FGGY: variants seen among roughly 807,000 people sequenced by gnomAD.
FGGY encodes the protein FGGY carbohydrate kinase domain-containing protein.
FGGY carries 72 observed loss-of-function variants against 71.3 expected under a neutral mutation model. The ratio of observed to expected loss-of-function variants is 1.01; its 90% CI spans 0.84 to 1.23. The LOEUF (loss-of-function observed/expected upper bound fraction) is 1.23, where lower values mean the gene tolerates loss of function less well. FGGY is among the 50% of genes most tolerant of loss of function. FGGY has a pLI of 0.00. For synonymous variants in FGGY, 251 were observed against 250.3 expected (o/e 1.00, Z -0.02); for missense variants, 668 against 682.3 (o/e 0.98, Z 0.23).
chr1:59,552,790 C>T (rs2095629257), intron 7 of FGGY, among the ~76,000 whole-genome samples: 1 of 152,172 alleles, frequency 6.6e-6, no homozygotes, highest in South Asian at 2.1e-4. Context: ...TGAGCAGGGA[C>T]TTGTCTTCTT....
intron 14 of FGGY, among the ~76,000 whole-genome samples, chr1:59,757,693 C>T (rs891043158): frequency 6.6e-6 from 1 of 152,140 alleles, no homozygotes; most frequent in Admixed American, 6.5e-5. Flanking sequence ...CCTCAATACA[C>T]AAGTATTTAT....
chr1:59,689,566 A>G (rs545365922), intron 14 of FGGY, among the ~76,000 whole-genome samples: 1 of 152,342 alleles, frequency 6.6e-6, no homozygotes, highest in East Asian at 1.9e-4. Context: ...CTTTAAAAAA[A>G]AAAACGTTAA....
At chr1:59,699,792 G>A (rs1353667554) in intron 14 of FGGY, among the ~76,000 whole-genome samples, 1 of 152,156 alleles carries the variant, frequency 6.6e-6, no homozygotes, top group East Asian at 1.9e-4. Context: ...CTTTGTAACA[G>A]GCATGTCCCG....
intron 8 of FGGY, among the ~76,000 whole-genome samples, chr1:59,562,794 AAAGATTTGGG>A (rs1470188158): frequency 1.3e-5 from 2 of 152,230 alleles, no homozygotes; most frequent in Non-Finnish European, 2.9e-5. Flanking sequence ...GGGCACAAGG[AAAGATTTGGG>A]TATGTTTATC....
At chr1:59,312,157 T>A (rs1301463125) in intron 1 of FGGY, among the ~76,000 whole-genome samples, 1 of 152,248 alleles carries the variant, frequency 6.6e-6, no homozygotes, top group Non-Finnish European at 1.5e-5. Context: ...TATTAGTTCT[T>A]TGTCAGATGG....
intron 10 of FGGY, among the ~76,000 whole-genome samples, chr1:59,633,454 G>A (rs899273777): frequency 1.3e-5 from 2 of 152,174 alleles, no homozygotes; most frequent in Non-Finnish European, 2.9e-5. Flanking sequence ...GTTACCAGTA[G>A]CTCAGCACAG....
intron 7 of FGGY, among the ~76,000 whole-genome samples, chr1:59,548,368 T>G (rs1194104200): frequency 6.6e-6 from 1 of 152,216 alleles, no homozygotes; most frequent in African/African-American, 2.4e-5. Flanking sequence ...AGGTCGTGGA[T>G]GGCGTATCTC....
intron 9 of FGGY, among the ~76,000 whole-genome samples, chr1:59,614,388 C>A (rs377360790): frequency 4.6e-5 from 7 of 151,994 alleles, no homozygotes; most frequent in African/African-American, 9.7e-5. Flanking sequence ...ACAGAACCAA[C>A]GACAAAAACC....
At chr1:59,727,874 A>G (rs1297577702) in intron 14 of FGGY, among the ~76,000 whole-genome samples, 1 of 152,124 alleles carries the variant, frequency 6.6e-6, no homozygotes, top group Non-Finnish European at 1.5e-5. Context: ...AACTACTACA[A>G]CTTTATTTTG....
chr1:59,689,350 A>G (rs1236671936), intron 14 of FGGY, among the ~76,000 whole-genome samples: 1 of 152,162 alleles, frequency 6.6e-6, no homozygotes, highest in Non-Finnish European at 1.5e-5. Context: ...AACGGAGATC[A>G]ACGTTAACTC....
intron 12 of FGGY, among the ~76,000 whole-genome samples, chr1:59,663,770 C>CA (rs945309415): frequency 7.3e-5 from 11 of 151,032 alleles, no homozygotes; most frequent in Non-Finnish European, 1.0e-4. Context: ...ATCTTTTAGG[C>CA]AAAAAAATGT....
At chr1:59,733,054 A>G (rs998033209) in intron 14 of FGGY, among the ~76,000 whole-genome samples, 2 of 151,746 alleles carry the variant, frequency 1.3e-5, no homozygotes, top group South Asian at 2.1e-4. Context: ...ACTCGCTACT[A>G]CTACTTACAG....
At chr1:59,548,548 A>T (rs1209886432) in intron 7 of FGGY, among the ~76,000 whole-genome samples, 1 of 152,134 alleles carries the variant, frequency 6.6e-6, no homozygotes, top group Non-Finnish European at 1.5e-5. Context: ...AACTCTGAAG[A>T]AGTAGATAAA....
Position 59,630,184 on chromosome 1 carries a change from A to G in FGGY, c.1073+4135A>G, listed in dbSNP as rs566098554. Among the ~76,000 whole-genome samples the G allele has an allele frequency of 2.0e-5, 3 of 152,252 alleles. No homozygotes were observed. In the South Asian group the frequency reaches 6.2e-4, roughly 32 times the overall value. Reference sequence around the variant, plus strand: ...CTATCACAAGAACAGCATGAGGGTAACCACACCCATAATTCAATTACCTCC... The same window carrying G: ...CTATCACAAGAACAGCATGAGGGTAGCCACACCCATAATTCAATTACCTCC... On this transcript the variant is annotated intron_variant, in intron 10 of 15. Transcript: ENST00000303721.
At chr1:59,610,940 T>A (rs796783066) in intron 9 of FGGY, among the ~76,000 whole-genome samples, 117 of 152,318 alleles carry the variant, frequency 7.7e-4, no homozygotes, top group African/African-American at 2.8e-3. Context: ...CAGATCCAAC[T>A]GCAAGGCAGC....
intron 14 of FGGY, among the ~76,000 whole-genome samples, chr1:59,730,077 C>T (rs2098006204): frequency 6.6e-6 from 1 of 152,122 alleles, no homozygotes; most frequent in Admixed American, 6.5e-5. Context: ...AAGACTGTTA[C>T]CCTCAGGAGT....
intron 5 of FGGY, among the ~76,000 whole-genome samples, chr1:59,434,247 A>G (rs2067968257): frequency 1.3e-5 from 2 of 152,264 alleles, no homozygotes; most frequent in South Asian, 4.1e-4. Context: ...TCTAGGACCT[A>G]GAAGGTATTC....
intron 7 of FGGY, among the ~76,000 whole-genome samples, chr1:59,519,143 T>A (rs1018917842): frequency 6.6e-6 from 1 of 152,246 alleles, no homozygotes; most frequent in Non-Finnish European, 1.5e-5. Context: ...AAATGAGAGA[T>A]GCGTGACTTA....
intron 14 of FGGY, among the ~76,000 whole-genome samples, chr1:59,722,790 T>G (rs1164387184): frequency 6.6e-6 from 1 of 152,174 alleles, no homozygotes; most frequent in African/African-American, 2.4e-5. Context: ...TCTGATTCTT[T>G]TTTTTGTTTT....
Sources: allele counts gnomAD v4.1 joint callset (sites outside exome capture counted in the v4.1 genomes callset), GRCh38; gene constraint gnomAD v4.1.1; transcripts MANE v1.5; gene names NCBI Gene and HGNC (gene_info 2026-07-23, HGNC 2026-07-21).